Variants in ZBTB16 observed in about 807,000 individuals in gnomAD.
ZBTB16 encodes zinc finger and BTB domain-containing protein 16.
In ZBTB16, 8 loss-of-function variants were observed where a neutral mutation model predicts 56.8. That is an observed-to-expected ratio of 0.14 (90% CI 0.08 to 0.25). The LOEUF (loss-of-function observed/expected upper bound fraction) is 0.25, where lower values mean the gene tolerates loss of function less well. Among genes scored for constraint, ZBTB16 ranks in the 10% least tolerant of loss-of-function variants. The pLI, the probability that ZBTB16 is intolerant of heterozygous loss-of-function variation, is 1.00. For synonymous variants in ZBTB16, 363 were observed against 368.5 expected (o/e 0.98, Z 0.17); for missense variants, 625 against 903.0 (o/e 0.69, Z 3.95).
intron 3 of ZBTB16, among the ~76,000 whole-genome samples, chr11:114,165,704 C>A (rs1471162659): frequency 6.6e-6 from 1 of 152,132 alleles, no homozygotes; most frequent in African/African-American, 2.4e-5. Context: ...CCTGAAGCTT[C>A]AGCTTTACTG....
At chr11:114,071,257 TTTTA>T in intron 2 of ZBTB16, among the ~76,000 whole-genome samples, 1 of 29,078 alleles carries the variant, frequency 3.4e-5, no homozygotes. Flanking sequence ...TTTTTTTTTT[TTTTA>T]AAATACTTTA....
chr11:114,062,395 G>A (rs963352157), intron 1 of ZBTB16, among the ~76,000 whole-genome samples: 1 of 152,060 alleles, frequency 6.6e-6, no homozygotes, highest in Non-Finnish European at 1.5e-5. Context: ...GAGCCACCGC[G>A]CCCTGCCCCA....
chr11:114,070,170 G>C (rs925512317), intron 2 of ZBTB16, among the ~76,000 whole-genome samples: 1 of 131,630 alleles, frequency 7.6e-6, no homozygotes, highest in Non-Finnish European at 1.5e-5. Context: ...CTGCAGTGGC[G>C]CAATCTCGGC....
Position 114,159,939 on chromosome 11 carries a change from G to GGGT in ZBTB16, c.1366+3507_1366+3508insTGG, listed in dbSNP as rs1555145926. On this transcript the variant is annotated intron_variant, in intron 3 of 6. Transcript: ENST00000335953. ...TCCAGAACCCTGGGCGGGGGAGGCG[G>GGGT]GGGGGAGGCGAGCATTTTTTTTCAA... Among the ~76,000 whole-genome samples the GGGT allele has an allele frequency of 6.0e-5, 9 of 149,432 alleles. 1 individual carries two copies. The highest frequency in any genetic ancestry group is 2.0e-4 in the African/African-American group (8 of 40,076).
chr11:114,249,521 T>C (rs1944878551), intron 6 of ZBTB16, among the ~76,000 whole-genome samples: 1 of 130,954 alleles, frequency 7.6e-6, no homozygotes, highest in African/African-American at 3.0e-5. Context: ...ATCCCAGCAC[T>C]TTGGGAGGCC....
chr11:114,118,870 A>G (rs1388058255), intron 2 of ZBTB16, among the ~76,000 whole-genome samples: 1 of 152,212 alleles, frequency 6.6e-6, no homozygotes. Context: ...TCTGAAAGTA[A>G]CAAGCTCTAG....
At chr11:114,109,138 C>A (rs993190745) in intron 2 of ZBTB16, among the ~76,000 whole-genome samples, 4 of 152,198 alleles carry the variant, frequency 2.6e-5, no homozygotes, top group East Asian at 1.9e-4. Flanking sequence ...ATGGGGCATG[C>A]CCCATCCTCC....
intron 4 of ZBTB16, among the ~76,000 whole-genome samples, chr11:114,233,081 G>GCGCACACACA (rs1250341636): frequency 1.8e-4 from 16 of 87,472 alleles, no homozygotes; most frequent in African/African-American, 6.1e-4. Context: ...GCGCGCGCGC[G>GCGCACACACA]CACACACACA....
chr11:114,239,953 G>C (rs1487416117), intron 4 of ZBTB16, among the ~76,000 whole-genome samples: 1 of 152,154 alleles, frequency 6.6e-6, no homozygotes, highest in African/African-American at 2.4e-5. Context: ...CTTTTACACT[G>C]GTAAAAAGGG....
In ZBTB16 at chr11:114,147,590, TG is replaced by T. The variant is rs1308277408; in HGVS notation, c.1269-8744del. On this transcript the variant is annotated intron_variant, in intron 2 of 6. Coordinates refer to ENST00000335953, the MANE Select transcript of ZBTB16 (RefSeq NM_006006.6). ...AAGCATGCATCATGGTGCCCTGTTT[TG>T]GGTTTGGAAAAAGCTCAGAGAAGCT... is the stretch of plus-strand genomic sequence containing the variant. 2.6e-5 allele frequency among the ~76,000 whole-genome samples: 4 copies of T among 152,338 alleles called. No homozygotes were observed. In the East Asian group the frequency reaches 7.7e-4, roughly 29 times the overall value.
intron 2 of ZBTB16, among the ~76,000 whole-genome samples, chr11:114,134,094 T>C (rs1941738130): frequency 6.6e-6 from 1 of 152,188 alleles, no homozygotes; most frequent in Admixed American, 6.5e-5. Context: ...TTTCTTAGCA[T>C]GGGCAGGGCT....
intron 3 of ZBTB16, among the ~76,000 whole-genome samples, chr11:114,173,276 T>G (rs1289845592): frequency 6.6e-6 from 1 of 152,164 alleles, no homozygotes; most frequent in Non-Finnish European, 1.5e-5. Context: ...AAAATAGACA[T>G]GCTCTGTTTT....
At chr11:114,212,812 G>A (rs925943495) in intron 4 of ZBTB16, among the ~76,000 whole-genome samples, 2 of 151,896 alleles carry the variant, frequency 1.3e-5, no homozygotes, top group Non-Finnish European at 2.9e-5. Flanking sequence ...ATCCCCCATC[G>A]CCTGCCTCGG....
At chr11:114,222,704 G>A (rs1489065683) in intron 4 of ZBTB16, among the ~76,000 whole-genome samples, 3 of 152,300 alleles carry the variant, frequency 2.0e-5, no homozygotes, top group Non-Finnish European at 2.9e-5. Flanking sequence ...CTAGCAGGAG[G>A]GTGTTGGAGG....
chr11:114,100,019 C>T (rs1220314641), intron 2 of ZBTB16, among the ~76,000 whole-genome samples: 1 of 152,172 alleles, frequency 6.6e-6, no homozygotes, highest in Admixed American at 6.5e-5. Context: ...TAAAAAGAAA[C>T]ATGAGCTCCC....
At chr11:114,226,220 C>G (rs1274350070) in intron 4 of ZBTB16, among the ~76,000 whole-genome samples, 4 of 152,146 alleles carry the variant, frequency 2.6e-5, no homozygotes, top group Non-Finnish European at 5.9e-5. Flanking sequence ...TAAAGTAACT[C>G]TCTAATGCTG....
chr11:114,205,820 G>C (rs12273098), intron 4 of ZBTB16, among the ~76,000 whole-genome samples: 35,238 of 152,178 alleles, frequency 0.23, 4,269 homozygotes, highest in Middle Eastern at 0.32. Context: ...GGGAGACTCT[G>C]CATCTGAAAG....
At chr11:114,236,534 C>T (rs1393981033) in intron 4 of ZBTB16, among the ~76,000 whole-genome samples, 1 of 152,154 alleles carries the variant, frequency 6.6e-6, no homozygotes, top group East Asian at 1.9e-4. Context: ...ACACGGGGGG[C>T]CTCAGTGAGA....
At chr11:114,158,803 G>C (rs535614977) in intron 3 of ZBTB16, among the ~76,000 whole-genome samples, 19 of 152,200 alleles carry the variant, frequency 1.2e-4, no homozygotes, top group Non-Finnish European at 4.4e-5. Flanking sequence ...TCCTGTCCAC[G>C]TTATGTCCAG....
Sources: allele counts gnomAD v4.1 joint callset (sites outside exome capture counted in the v4.1 genomes callset), GRCh38; gene constraint gnomAD v4.1.1; transcripts MANE v1.5; gene names NCBI Gene and HGNC (gene_info 2026-07-23, HGNC 2026-07-21).